The following POPDC2 variants were observed in gnomAD, a reference collection of about 807,000 sequenced individuals.
POPDC2 encodes the protein popeye domain cAMP effector 2, also known as popeye domain-containing protein 2.
Under a neutral mutation model 30.5 loss-of-function variants are expected in POPDC2, and 24 were observed. The observed-to-expected ratio is 0.79, with a 90% CI of 0.57 to 1.11. POPDC2 has a LOEUF of 1.11. Ranked by LOEUF, POPDC2 falls within the 50% of genes least tolerant of loss-of-function variation. POPDC2 has a pLI of 0.00. For missense variants in POPDC2, 409 were observed against 447.0 expected (o/e 0.91, Z 0.77); for synonymous variants, 185 against 183.3 (o/e 1.01, Z -0.07).
intron 2 of POPDC2, among the ~76,000 whole-genome samples, chr3:119,653,200 T>G (rs1008824872): frequency 2.0e-5 from 3 of 152,216 alleles, no homozygotes; most frequent in African/African-American, 7.2e-5. Context: ...TTGATGTTTT[T>G]GGGCCTTAGT....
At chr3:119,656,971 T>A (rs890015611) in intron 1 of POPDC2, among the ~76,000 whole-genome samples, 4 of 152,200 alleles carry the variant, frequency 2.6e-5, no homozygotes, top group Admixed American at 2.6e-4. Context: ...CACAGGCACA[T>A]AAATAACTGG....
chr3:119,660,402 C>T lies in POPDC2; in HGVS notation c.22G>A (p.Val8Met), dbSNP rs1480989552. The T allele has an allele frequency of 1.9e-6, 3 of 1,612,996 alleles. No individual in the cohort carries two copies. Among genetic ancestry groups the T allele is most frequent in the Admixed American group, 1.7e-5 (1 of 59,992 alleles). ...GAACCCTGCAAGAGAAGCTGGCCCA[C>T]TCTGCTGCTGTTGGCGCTCATCTTT... Reference protein sequence around the residue: MSANSSRVGQLLLQGSAC... With the variant: MSANSSRMGQLLLQGSAC... The change falls in exon 1 of 4, where the codon GTG becomes ATG. Residue 8 changes from valine to methionine, a missense_variant. Transcript: ENST00000493094.
intron 2 of POPDC2, among the ~76,000 whole-genome samples, chr3:119,650,805 T>C (rs2670292): frequency 0.71 from 108,397 of 152,164 alleles, 38,808 homozygotes; most frequent in Middle Eastern, 0.78. Context: ...TTCCTGAATT[T>C]CAGACTTAAA....
intron 1 of POPDC2, among the ~76,000 whole-genome samples, chr3:119,655,124 C>G (rs113190763): frequency 1.3e-5 from 2 of 151,904 alleles, no homozygotes; most frequent in Admixed American, 1.3e-4. Context: ...GTCAGGAGTT[C>G]GAGACCAGCC....
In POPDC2 at chr3:119,643,926, C is replaced by T. The variant is rs141835417; in HGVS notation, c.*44-1365G>A. Among the ~76,000 whole-genome samples the T allele has an allele frequency of 1.1e-3, 169 of 152,302 alleles. No homozygotes were observed. The East Asian group carries it at 0.015, about 13-fold the overall frequency. Reference sequence around the variant, plus strand: ...TCAATTTCTGCCCACAAGAACTACACCAAATTAAGTCAAATTCTAATTTAC... The same window carrying T: ...TCAATTTCTGCCCACAAGAACTACATCAAATTAAGTCAAATTCTAATTTAC... On this transcript the variant is annotated intron_variant, in intron 3 of 3. Coordinates refer to ENST00000493094, the MANE Select transcript of POPDC2 (RefSeq NM_001369919.2).
rs148949642 is a variant in POPDC2, at chr3:119,646,554, G to A, written c.*43+1565C>T. 3.5e-3 allele frequency among the ~76,000 whole-genome samples: 527 copies of A among 152,176 alleles called. 6 individuals are homozygous for A. The highest frequency in any genetic ancestry group is 0.011 in the African/African-American group (451 of 41,516). On this transcript the variant is annotated intron_variant, in intron 3 of 3. Coordinates refer to ENST00000493094, the MANE Select transcript of POPDC2 (RefSeq NM_001369919.2). ...CTTGGGAGGCTGGGATGGGAGGATC[G>A]CTTGAGCTTTTGGAGGTAGAGATTG...
intron 3 of POPDC2, among the ~76,000 whole-genome samples, chr3:119,644,957 A>G (rs2052728787): frequency 6.6e-6 from 1 of 152,220 alleles, no homozygotes; most frequent in Non-Finnish European, 1.5e-5. Context: ...TTATCCCATG[A>G]TCACAGACTA....
intron 2 of POPDC2, among the ~76,000 whole-genome samples, chr3:119,653,412 T>C (rs540824949): frequency 7.9e-5 from 12 of 151,494 alleles, no homozygotes; most frequent in African/African-American, 2.9e-4. Flanking sequence ...CATTGGAGCA[T>C]GTATGTGAAT....
chr3:119,651,437 T>C (rs1033645526), intron 2 of POPDC2, among the ~76,000 whole-genome samples: 1 of 152,168 alleles, frequency 6.6e-6, no homozygotes, highest in African/African-American at 2.4e-5. Context: ...GCCTATGGCT[T>C]TTTGTCTCCC....
chr3:119,657,505 AAAGT>A (rs1477468182), intron 1 of POPDC2, among the ~76,000 whole-genome samples: 2 of 152,242 alleles, frequency 1.3e-5, no homozygotes, highest in African/African-American at 4.8e-5. Context: ...AGGAAGCAAG[AAAGT>A]AAGGATGAAT....
At chr3:119,644,826 A>C (rs552967923) in intron 3 of POPDC2, among the ~76,000 whole-genome samples, 1 of 142,470 alleles carries the variant, frequency 7.0e-6, no homozygotes, top group East Asian at 2.1e-4. Flanking sequence ...ATAATAGTAA[A>C]TTGCTCCCAA....
intron 1 of POPDC2, among the ~76,000 whole-genome samples, chr3:119,657,680 A>C (rs1228932664): frequency 6.6e-6 from 1 of 152,248 alleles, no homozygotes; most frequent in Non-Finnish European, 1.5e-5. Flanking sequence ...CCACCCAGGC[A>C]AGCCACCAAA....
At chr3:119,656,235 G>C (rs71325392) in intron 1 of POPDC2, among the ~76,000 whole-genome samples, 1 of 152,110 alleles carries the variant, frequency 6.6e-6, no homozygotes, top group African/African-American at 2.4e-5. Context: ...CACTACCTGA[G>C]GCTTAGGTGC....
chr3:119,660,641 T>G, upstream of POPDC2: 1 of 384,956 alleles, frequency 2.6e-6, no homozygotes, highest in South Asian at 3.9e-5. Context: ...TCTCTCTCTC[T>G]CTCTCTCCCC....
intron 2 of POPDC2, among the ~76,000 whole-genome samples, chr3:119,652,177 T>C (rs1370616882): frequency 6.6e-6 from 1 of 152,216 alleles, no homozygotes; most frequent in East Asian, 1.9e-4. Flanking sequence ...ATGATTTCTG[T>C]GTGATCCCTC....
chr3:119,653,677 T>C (rs1408277671), intron 2 of POPDC2, among the ~76,000 whole-genome samples: 1 of 151,976 alleles, frequency 6.6e-6, no homozygotes, highest in Non-Finnish European at 1.5e-5. Context: ...CGGGATTTCA[T>C]CGTGTTAGCC....
intron 3 of POPDC2, 111 bp downstream of exon 3, chr3:119,648,008 T>C: frequency 1.1e-6 from 1 of 901,812 alleles, no homozygotes; most frequent in Non-Finnish European, 1.6e-6. Context: ...TGCCACTTTC[T>C]GTGAGTCCTC....
intron 3 of POPDC2, among the ~76,000 whole-genome samples, chr3:119,647,663 T>C (rs916183511): frequency 1.3e-5 from 2 of 152,248 alleles, no homozygotes; most frequent in African/African-American, 4.8e-5. Flanking sequence ...CTTTAAAATA[T>C]GCAGTTTTAA....
At chr3:119,646,512 G>A (rs1036267535) in intron 3 of POPDC2, among the ~76,000 whole-genome samples, 1 of 152,114 alleles carries the variant, frequency 6.6e-6, no homozygotes, top group Non-Finnish European at 1.5e-5. Context: ...AGCGACATGT[G>A]CCTGTAATCC....
Sources: allele counts gnomAD v4.1 joint callset (sites outside exome capture counted in the v4.1 genomes callset), GRCh38; gene constraint gnomAD v4.1.1; transcripts MANE v1.5; gene names NCBI Gene and HGNC (gene_info 2026-07-23, HGNC 2026-07-21).